RCCD1: variants seen among roughly 807,000 people sequenced by gnomAD.
RCCD1 encodes the protein RCC1 domain containing 1.
A neutral mutation model predicts 37.6 loss-of-function variants in RCCD1; 40 were observed. That is an observed-to-expected ratio of 1.06 (90% CI 0.83 to 1.39). RCCD1 has a LOEUF of 1.39. Ranked by LOEUF, RCCD1 falls within the 40% of genes most tolerant of loss-of-function variation. The pLI, the probability that RCCD1 is intolerant of heterozygous loss-of-function variation, is 0.00. For missense variants in RCCD1, 577 were observed against 517.3 expected (o/e 1.12, Z -1.12); for synonymous variants, 263 against 230.0 (o/e 1.14, Z -1.30).
chr15:90,961,563 A>G (rs2151382798), intron 7 of RCCD1, 55 bp from the exon 8 acceptor site: 1 of 1,560,664 alleles, frequency 6.4e-7, no homozygotes, highest in African/African-American at 1.4e-5. Flanking sequence ...TCCTGGAGGG[A>G]AAGCAGCAGC....
chr15:90,955,192 G>T, intron 1 of RCCD1: 1 of 152,394 alleles, frequency 6.6e-6, no homozygotes, highest in Non-Finnish European at 1.5e-5. Context: ...CCCCGGCGTA[G>T]GCCTCGGGAC....
In RCCD1 at chr15:90,960,514, A is replaced by G. The variant is rs778037341; in HGVS notation, c.949+16A>G. On this transcript the variant is annotated intron_variant, in intron 6 of 7. Coordinates refer to ENST00000394258, the MANE Select transcript of RCCD1 (RefSeq NM_001017919.2). ...GTGGTGACACGTGAGTGGGGCTGGGAGGCACTCTGCTCCACTCGAGCTGGT... is the reference window on the plus strand; with the variant it reads ...GTGGTGACACGTGAGTGGGGCTGGGGGGCACTCTGCTCCACTCGAGCTGGT... 6.2e-7 allele frequency: 1 copy of G among 1,600,948 alleles called. No individual in the cohort carries two copies. Among genetic ancestry groups the G allele is most frequent in the Non-Finnish European group, 8.5e-7 (1 of 1,176,998 alleles).
Position 90,961,049 on chromosome 15 carries a change from G to GC in RCCD1, c.975dup (p.Trp326LeufsTer3). On this transcript the variant is annotated frameshift_variant, in exon 7 of 8. Coordinates refer to ENST00000394258, the MANE Select transcript of RCCD1 (RefSeq NM_001017919.2). LOFTEE classifies it high-confidence loss of function. ...GGAACAGGGGAGCTCTACACCTGGGGCTGGGGTAAGTAAAAGGATTGTTTT... is the reference window on the plus strand; with the variant it reads ...GGAACAGGGGAGCTCTACACCTGGGGCCTGGGGTAAGTAAAAGGATTGTTTT... The GC allele has an allele frequency of 1.2e-6, 2 of 1,613,802 alleles. No homozygotes were observed. The highest frequency in any genetic ancestry group is 2.2e-5 in the South Asian group (2 of 91,070).
At chr15:90,956,936 C>A in intron 2 of RCCD1, 36 bp downstream of exon 2, 1 of 1,267,670 alleles carries the variant, frequency 7.9e-7, no homozygotes, top group South Asian at 3.2e-5. Flanking sequence ...CTTATTCCAG[C>A]CGCGCTCCCC....
Position 90,957,335 on chromosome 15 carries a change from A to C in RCCD1, c.389A>C (p.Gln130Pro). 3 of 1,545,742 alleles carry C rather than the reference A, an allele frequency of 1.9e-6. No individual in the cohort carries two copies. The highest frequency in any genetic ancestry group is 1.7e-6 in the Non-Finnish European group (2 of 1,144,956). The change falls in exon 3 of 8, where the codon CAG (glutamine) becomes CCG (proline). Residue 130 changes from glutamine to proline, a missense_variant. Coordinates refer to ENST00000394258, the MANE Select transcript of RCCD1 (RefSeq NM_001017919.2). Reference sequence around the variant, plus strand: ...GAAGACGATCCGGCCGGTGAGGCCCAGGCTGGGAGGCTACCCCTGCTGCCC... The same window carrying C: ...GAAGACGATCCGGCCGGTGAGGCCCCGGCTGGGAGGCTACCCCTGCTGCCC... ...EGEDDPAGEA[Q>P]AGRLPLLPCA...
In RCCD1 at chr15:90,957,159, C is replaced by A; in HGVS notation, c.213C>A (p.Gly71=). The A allele has an allele frequency of 7.3e-7, 1 of 1,364,956 alleles. No homozygotes were observed. Among genetic ancestry groups the A allele is most frequent in the Non-Finnish European group, 9.4e-7 (1 of 1,065,478 alleles). 84.6% of individuals were successfully genotyped at this position (1,364,956 alleles called of 1,614,324 possible). A position where few individuals can be genotyped will look rare whatever the true frequency, so the allele number is the denominator to read the frequency against. The part of the protein sequence containing the change: ...ELSGSASGAA[G]RCKDAWASEG... ...CGGGCTCAGCCAGCGGCGCGGCGGG[C>A]CGCTGCAAGGACGCGTGGGCCTCGG... The change falls in exon 3 of 8, where the codon GGC becomes GGA. Residue 71 remains glycine, a synonymous_variant. Coordinates refer to ENST00000394258, the MANE Select transcript of RCCD1 (RefSeq NM_001017919.2).
intron 4 of RCCD1, among the ~76,000 whole-genome samples, chr15:90,959,395 T>C (rs2037268880): frequency 6.6e-6 from 1 of 152,204 alleles, no homozygotes; most frequent in Admixed American, 6.5e-5. Flanking sequence ...CACGTGGCTT[T>C]CATCAGGACC....
intron 1 of RCCD1, among the ~76,000 whole-genome samples, chr15:90,956,369 G>A (rs1350908440): frequency 6.6e-6 from 1 of 152,230 alleles, no homozygotes; most frequent in Non-Finnish European, 1.5e-5. Flanking sequence ...GGAAGCTGCG[G>A]GACGGGGTGG....
At position 90,960,887 on chromosome 15, in the gene RCCD1, A is replaced by T. The variant is rs1039297615; in HGVS notation, c.950-138A>T. The T allele has an allele frequency of 5.1e-5, 43 of 845,666 alleles. No homozygotes were observed. The East Asian group carries it at 8.3e-4, about 16-fold the overall frequency. The allele number at this position is 845,666 out of a possible 1,614,324, so 52.4% of individuals were successfully genotyped here. On this transcript the variant is annotated intron_variant, in intron 6 of 7. Transcript: ENST00000394258. ...TGCCACGTGTGATCAGCCAGTTGTT[A>T]AGAGAATATGTTGTTCCATGCCAGG...
chr15:90,959,026 T>C (rs1036154086), intron 4 of RCCD1, among the ~76,000 whole-genome samples: 1 of 150,786 alleles, frequency 6.6e-6, no homozygotes, highest in Non-Finnish European at 1.5e-5. Flanking sequence ...CGCCCTGCAC[T>C]CAAGGTCCAG....
Position 90,960,010 on chromosome 15 carries a change from C to T in RCCD1, c.778+12C>T. ...TGTCGCAAGGGAAGGTGAGGGTCAT[C>T]TCGGCTCCCACAGCCGTCTCCCCAG... On this transcript the variant is annotated intron_variant, in intron 5 of 7. Transcript: ENST00000394258. The T allele has an allele frequency of 6.2e-7, 1 of 1,600,784 alleles. No individual in the cohort carries two copies. Among genetic ancestry groups the T allele is most frequent in the African/African-American group, 1.3e-5 (1 of 74,750 alleles).
Position 90,957,599 on chromosome 15 carries a change from C to T in RCCD1, c.558-5C>T. ...CTGTAGCTGACGACGGTCTCCCTTG[C>T]TCAGGCATGGACAGCTGGGCCATGG... On this transcript the variant is annotated splice_region_variant and splice_polypyrimidine_tract_variant and intron_variant, in intron 3 of 7. Coordinates refer to ENST00000394258, the MANE Select transcript of RCCD1 (RefSeq NM_001017919.2). 6.2e-7 allele frequency: 1 copy of T among 1,614,068 alleles called. No homozygotes were observed. Among genetic ancestry groups the T allele is most frequent in the East Asian group, 2.2e-5 (1 of 44,882 alleles).
chr15:90,960,630 C>A, intron 6 of RCCD1, 132 bp downstream of exon 6: 1 of 814,226 alleles, frequency 1.2e-6, no homozygotes, highest in Non-Finnish European at 1.9e-6. Flanking sequence ...AGTGGATAAG[C>A]CCCAACCCCC....
At chr15:90,959,876 A>G (rs1372082260) in intron 4 of RCCD1, 24 bp from the exon 5 acceptor site, 2 of 1,554,596 alleles carry the variant, frequency 1.3e-6, no homozygotes, top group Non-Finnish European at 1.8e-6. Flanking sequence ...AGTCTGTTTC[A>G]TGTGTCCCCT....
In RCCD1 at chr15:90,960,059, C is replaced by T. The variant is rs144197133; in HGVS notation, c.778+61C>T. Reference sequence around the variant, plus strand: ...AGGATGTGGCTGTCATTCCTAACTCCTGGCTGTATGCTGGCCTCAGAGCTA... The same window carrying T: ...AGGATGTGGCTGTCATTCCTAACTCTTGGCTGTATGCTGGCCTCAGAGCTA... On this transcript the variant is annotated intron_variant, in intron 5 of 7. Coordinates refer to ENST00000394258, the MANE Select transcript of RCCD1 (RefSeq NM_001017919.2). 453 of 1,358,204 alleles carry T rather than the reference C, an allele frequency of 3.3e-4. 1 individual carries two copies. In the East Asian group the frequency reaches 0.01, roughly 31 times the overall value. 84.1% of individuals were successfully genotyped at this position (1,358,204 alleles called of 1,614,324 possible). A position where few individuals can be genotyped will look rare whatever the true frequency, so the allele number is the denominator to read the frequency against.
chr15:90,959,766 C>A, intron 4 of RCCD1, 134 bp from the exon 5 acceptor site: 1 of 593,506 alleles, frequency 1.7e-6, no homozygotes. Flanking sequence ...CGAGGGGAAG[C>A]GCCTTGGCCT....
At position 90,961,825 on chromosome 15, in the gene RCCD1, A is replaced by G. The variant is rs893394352; in HGVS notation, c.*56A>G. 16 of 1,556,926 alleles carry G rather than the reference A, an allele frequency of 1.0e-5. No individual in the cohort carries two copies. The highest frequency in any genetic ancestry group is 2.0e-4 in the Middle Eastern group (1 of 5,126). Reference sequence around the variant, plus strand: ...GTGAGACCCCCATTCAGGTCAAGGAAAACCATTGCCTGCACCCCAAGGGCC... The same window carrying G: ...GTGAGACCCCCATTCAGGTCAAGGAGAACCATTGCCTGCACCCCAAGGGCC... On this transcript the variant is annotated 3_prime_UTR_variant, in exon 8 of 8. Transcript: ENST00000394258.
At chr15:90,961,500 TCA>T (rs927251052) in intron 7 of RCCD1, 116 bp from the exon 8 acceptor site, 2 of 1,208,772 alleles carry the variant, frequency 1.7e-6, no homozygotes, top group African/African-American at 1.5e-5. Context: ...TCTCTTGGAT[TCA>T]CAGAGCAGTG....
intron 1 of RCCD1, among the ~76,000 whole-genome samples, chr15:90,956,045 G>A (rs904659275): frequency 6.6e-6 from 1 of 152,142 alleles, no homozygotes; most frequent in Non-Finnish European, 1.5e-5. Context: ...TTACAATTCT[G>A]TGAGGAAGGT....
Sources: gnomAD v4.1 joint callset for allele counts (sites outside exome capture counted in the v4.1 genomes callset) on GRCh38, gnomAD v4.1.1 for gene constraint, MANE v1.5 for transcripts, NCBI Gene and HGNC (gene_info 2026-07-23, HGNC 2026-07-21) for gene names.